Variants in MEGF10 observed in about 807,000 individuals in gnomAD.
MEGF10 encodes multiple EGF like domains 10, also known as multiple epidermal growth factor-like domains protein 10.
In MEGF10, 86 loss-of-function variants were observed where a neutral mutation model predicts 147.5. The ratio of observed to expected loss-of-function variants is 0.58; its 90% CI spans 0.49 to 0.70. MEGF10 has a LOEUF of 0.70. Ranked by LOEUF, MEGF10 falls within the 30% of genes least tolerant of loss-of-function variation. The pLI is 0.00. For missense variants in MEGF10, 1,329 were observed against 1,487.3 expected, an observed-to-expected ratio of 0.89 and a Z score of 1.75; for synonymous variants, 478 against 525.5, an observed-to-expected ratio of 0.91 and a Z score of 1.24.
chr5:127,318,490 G>A (rs1287508284), intron 1 of MEGF10, among the ~76,000 whole-genome samples: 1 of 152,156 alleles, frequency 6.6e-6, no homozygotes, highest in African/African-American at 2.4e-5. Context: ...AGTAGCCATG[G>A]TTGGCATCAC....
At chr5:127,246,891 C>A in the MEGF10 span, among the ~76,000 whole-genome samples, 10 of 141,608 alleles carry the variant, frequency 7.1e-5, no homozygotes, top group Non-Finnish European at 1.1e-4. Context: ...ATATATTATA[C>A]AATAATATAT....
chr5:127,449,672 T>C (rs1766082575), intron 22 of MEGF10, among the ~76,000 whole-genome samples: 1 of 152,194 alleles, frequency 6.6e-6, no homozygotes, highest in South Asian at 2.1e-4. Context: ...AGCTGTGTGC[T>C]CTTCCTTGTT....
rs762682563 is a variant in MEGF10 at position 127,396,512 on chromosome 5, GT to G, written c.413-17del. 23 of 1,514,526 alleles carry G rather than the reference GT, an allele frequency of 1.5e-5. No homozygotes were observed. In the African/African-American group the frequency reaches 2.9e-4, roughly 19 times the overall value. 93.8% of individuals were successfully genotyped at this position (1,514,526 alleles called of 1,614,324 possible). On this transcript the variant is annotated intron_variant, in intron 5 of 24. Transcript: ENST00000503335. Reference sequence around the variant, plus strand: ...TCTCCCTTACCCACTGATATCCACTGTTTCTCTCCTCAATCTCAGCCTGCGA... The same window carrying G: ...TCTCCCTTACCCACTGATATCCACTGTTCTCTCCTCAATCTCAGCCTGCGA...
intron 4 of MEGF10, among the ~76,000 whole-genome samples, chr5:127,352,867 A>T (rs1762134461): frequency 6.6e-6 from 1 of 152,128 alleles, no homozygotes; most frequent in Non-Finnish European, 1.5e-5. Flanking sequence ...TGAGAGAGAG[A>T]CTTTACTAAC....
chr5:127,433,889 A>G (rs895084351), intron 14 of MEGF10, among the ~76,000 whole-genome samples: 1 of 152,238 alleles, frequency 6.6e-6, no homozygotes, highest in Non-Finnish European at 1.5e-5. Flanking sequence ...ACCAGACGTC[A>G]ACATCAGCCA....
At chr5:127,312,002 T>G (rs1160871973) in intron 1 of MEGF10, among the ~76,000 whole-genome samples, 3 of 152,170 alleles carry the variant, frequency 2.0e-5, no homozygotes, top group African/African-American at 7.2e-5. Flanking sequence ...GGAAATGCTT[T>G]AAATCAGCAG....
At chr5:127,420,646 A>G (rs941739386) in intron 12 of MEGF10, among the ~76,000 whole-genome samples, 2 of 152,132 alleles carry the variant, frequency 1.3e-5, no homozygotes, top group Admixed American at 6.5e-5. Flanking sequence ...TGTTGAAAGA[A>G]GGTTTGGAAA....
chr5:127,264,178 CTA>C, the MEGF10 span, among the ~76,000 whole-genome samples: 4 of 152,214 alleles, frequency 2.6e-5, no homozygotes, highest in Admixed American at 2.6e-4. Flanking sequence ...AAGGAAAACA[CTA>C]TGTGAAAACT....
intron 5 of MEGF10, among the ~76,000 whole-genome samples, chr5:127,396,325 A>C (rs1763910528): frequency 6.6e-6 from 1 of 152,162 alleles, no homozygotes; most frequent in South Asian, 2.1e-4. Flanking sequence ...TTGTCAATGA[A>C]GTGATAATTA....
intron 4 of MEGF10, among the ~76,000 whole-genome samples, chr5:127,359,752 A>G (rs1384555039): frequency 6.6e-6 from 1 of 152,120 alleles, no homozygotes; most frequent in Non-Finnish European, 1.5e-5. Context: ...TTGTATAGCT[A>G]TACCACAATT....
chr5:127,330,595 A>T (rs550033507), intron 1 of MEGF10, among the ~76,000 whole-genome samples: 1 of 152,078 alleles, frequency 6.6e-6, no homozygotes, highest in East Asian at 1.9e-4. Flanking sequence ...ACAGCTTTAC[A>T]TTTTTTTCTA....
At chr5:127,413,089 C>T (rs1764632266) in intron 9 of MEGF10, among the ~76,000 whole-genome samples, 1 of 152,130 alleles carries the variant, frequency 6.6e-6, no homozygotes, top group Non-Finnish European at 1.5e-5. Flanking sequence ...ACATACCCCA[C>T]CTCTCGATGG....
chr5:127,320,933 T>C (rs763314358), intron 1 of MEGF10, among the ~76,000 whole-genome samples: 3 of 152,216 alleles, frequency 2.0e-5, no homozygotes, highest in Non-Finnish European at 2.9e-5. Flanking sequence ...AGTGTAAATA[T>C]GGAAATATCT....
At chr5:127,333,233 A>C (rs1039127556) in intron 2 of MEGF10, among the ~76,000 whole-genome samples, 8 of 152,130 alleles carry the variant, frequency 5.3e-5, no homozygotes, top group Non-Finnish European at 1.2e-4. Flanking sequence ...AGAGAAAAAA[A>C]GGTTGGGTGC....
intron 13 of MEGF10, among the ~76,000 whole-genome samples, chr5:127,426,293 A>G (rs1765209296): frequency 6.6e-6 from 1 of 152,164 alleles, no homozygotes; most frequent in African/African-American, 2.4e-5. Flanking sequence ...TGATAGTCCT[A>G]TTTTACCTAG....
At chr5:127,254,809 T>TC in the MEGF10 span, among the ~76,000 whole-genome samples, 175 of 144,814 alleles carry the variant, frequency 1.2e-3, 1 homozygote, top group African/African-American at 2.1e-3. Context: ...AGACTCCATC[T>TC]GAAAAAAAAA....
At chr5:127,340,031 A>T (rs1761620514) in intron 3 of MEGF10, among the ~76,000 whole-genome samples, 1 of 152,090 alleles carries the variant, frequency 6.6e-6, no homozygotes, top group African/African-American at 2.4e-5. Context: ...AGAGCAAGGG[A>T]TTTGTATTGT....
chr5:127,349,093 G>T lies in MEGF10; in HGVS notation c.319+8463G>T, dbSNP rs1009174641. On this transcript the variant is annotated intron_variant, in intron 4 of 24. Transcript: ENST00000503335. ...TCAATTATTCCAGTATACATTTAAA[G>T]AATAAAATTAGTAAGCTGACCTTTT... 6.6e-5 allele frequency among the ~76,000 whole-genome samples: 10 copies of T among 152,154 alleles called. No individual in the cohort carries two copies. In the South Asian group the frequency reaches 1.7e-3, roughly 25 times the overall value.
chr5:127,345,346 T>G (rs1179784104), intron 4 of MEGF10, among the ~76,000 whole-genome samples: 1 of 152,168 alleles, frequency 6.6e-6, no homozygotes, highest in Non-Finnish European at 1.5e-5. Context: ...GCATTTCTAC[T>G]GAACCCTCAG....
Sources: allele counts gnomAD v4.1 joint callset (sites outside exome capture counted in the v4.1 genomes callset), GRCh38; gene constraint gnomAD v4.1.1; transcripts MANE v1.5; gene names NCBI Gene and HGNC (gene_info 2026-07-23, HGNC 2026-07-21).